Variants in ZNF385D observed in about 807,000 individuals in gnomAD.
The protein encoded by ZNF385D is zinc finger protein 659.
In ZNF385D, 15 loss-of-function variants were observed where a neutral mutation model predicts 35.8. The observed-to-expected ratio is 0.42, with a 90% CI of 0.28 to 0.64. The LOEUF (loss-of-function observed/expected upper bound fraction) is 0.64, where lower values mean the gene tolerates loss of function less well. Ranked by LOEUF, ZNF385D falls within the 30% of genes least tolerant of loss-of-function variation. The probability of loss-of-function intolerance (pLI) is 0.23; values close to 1 mark genes in which losing one functional copy is unlikely to be tolerated. For missense variants in ZNF385D, 474 were observed against 494.6 expected, an observed-to-expected ratio of 0.96 and a Z score of 0.39; for synonymous variants, 212 against 186.8, an observed-to-expected ratio of 1.13 and a Z score of -1.10.
At chr3:22,008,347 A>C (rs1442470876) in intron 3 of ZNF385D, among the ~76,000 whole-genome samples, 1 of 110,082 alleles carries the variant, frequency 9.1e-6, no homozygotes, top group Non-Finnish European at 1.9e-5. Context: ...ACTTTCATAC[A>C]GGCCATGATT....
At chr3:22,303,321 T>A (rs888244113) in intron 2 of ZNF385D, among the ~76,000 whole-genome samples, 2 of 152,124 alleles carry the variant, frequency 1.3e-5, no homozygotes, top group African/African-American at 4.8e-5. Flanking sequence ...CTGGGTCTTG[T>A]CTCCTGCCAC....
At chr3:21,683,290 T>C (rs2066975709) in intron 1 of ZNF385D, among the ~76,000 whole-genome samples, 1 of 149,736 alleles carries the variant, frequency 6.7e-6, no homozygotes, top group African/African-American at 2.5e-5. Context: ...ACTATTAATT[T>C]TGTGGATATT....
intron 3 of ZNF385D, among the ~76,000 whole-genome samples, chr3:21,551,677 C>G (rs947058736): frequency 6.6e-6 from 1 of 152,144 alleles, no homozygotes; most frequent in Non-Finnish European, 1.5e-5. Flanking sequence ...GGACAAATTA[C>G]AACCCTTCAG....
At chr3:22,289,305 C>T (rs1237258843) in intron 2 of ZNF385D, among the ~76,000 whole-genome samples, 1 of 152,106 alleles carries the variant, frequency 6.6e-6, no homozygotes, top group Non-Finnish European at 1.5e-5. Flanking sequence ...GGTAGGGAGT[C>T]AATTCATTAC....
intron 3 of ZNF385D, among the ~76,000 whole-genome samples, chr3:22,040,347 T>C (rs1698586805): frequency 6.6e-6 from 1 of 152,294 alleles, no homozygotes; most frequent in African/African-American, 2.4e-5. Flanking sequence ...GGTTTGGTTA[T>C]TACGTCATTT....
intron 3 of ZNF385D, among the ~76,000 whole-genome samples, chr3:22,111,775 T>C (rs918069629): frequency 2.6e-5 from 4 of 152,150 alleles, no homozygotes; most frequent in Non-Finnish European, 5.9e-5. Context: ...CAAATGCTTT[T>C]GCTTAGGACT....
chr3:22,007,349 A>G (rs1191661073), intron 3 of ZNF385D, among the ~76,000 whole-genome samples: 1 of 152,250 alleles, frequency 6.6e-6, no homozygotes, highest in Non-Finnish European at 1.5e-5. Flanking sequence ...TTGGAATAAC[A>G]GTCTTGCGTA....
intron 2 of ZNF385D, among the ~76,000 whole-genome samples, chr3:21,598,541 T>C (rs2064189291): frequency 6.6e-6 from 1 of 152,164 alleles, no homozygotes; most frequent in Admixed American, 6.5e-5. Flanking sequence ...AGCAATATCT[T>C]TGTTCAAAAC....
At chr3:21,757,448 T>G (rs1475722470) in intron 3 of ZNF385D, among the ~76,000 whole-genome samples, 5 of 152,082 alleles carry the variant, frequency 3.3e-5, no homozygotes, top group Admixed American at 2.6e-4. Flanking sequence ...TGGCCTAAAT[T>G]TATTATATAT....
At chr3:21,809,426 G>GGTAGCA (rs879458016) in intron 3 of ZNF385D, among the ~76,000 whole-genome samples, 17 of 151,818 alleles carry the variant, frequency 1.1e-4, no homozygotes, top group Non-Finnish European at 1.9e-4. Context: ...AACATATGTA[G>GGTAGCA]GTAGCATCAA....
At chr3:22,085,581 T>G (rs988056269) in intron 3 of ZNF385D, among the ~76,000 whole-genome samples, 1 of 151,420 alleles carries the variant, frequency 6.6e-6, no homozygotes, top group Non-Finnish European at 1.5e-5. Flanking sequence ...GAGGCAATAA[T>G]TAACAGCCTA....
At chr3:21,784,649 AATGT>A (rs1253620967) in intron 3 of ZNF385D, among the ~76,000 whole-genome samples, 1 of 150,528 alleles carries the variant, frequency 6.6e-6, no homozygotes, top group South Asian at 2.1e-4. Flanking sequence ...TTAATTAATT[AATGT>A]ATTTTTAAAT....
chr3:21,570,364 A>G (rs1355569665), intron 2 of ZNF385D, among the ~76,000 whole-genome samples: 1 of 152,184 alleles, frequency 6.6e-6, no homozygotes, highest in Non-Finnish European at 1.5e-5. Context: ...CTTCAAGTAC[A>G]GCAGCCGCAG....
chr3:21,644,235 C>T (rs1559484416), intron 2 of ZNF385D, among the ~76,000 whole-genome samples: 2 of 152,108 alleles, frequency 1.3e-5, no homozygotes, highest in Non-Finnish European at 2.9e-5. Flanking sequence ...TGATATTCAA[C>T]ATTAAAATAA....
At chr3:22,281,667 A>G (rs1701747594) in intron 2 of ZNF385D, among the ~76,000 whole-genome samples, 1 of 151,712 alleles carries the variant, frequency 6.6e-6, no homozygotes, top group African/African-American at 2.4e-5. Flanking sequence ...GGACTTTTGC[A>G]TCTATGTTCA....
intron 2 of ZNF385D, among the ~76,000 whole-genome samples, chr3:22,207,226 A>G (rs1697216178): frequency 6.6e-6 from 1 of 151,944 alleles, no homozygotes; most frequent in Non-Finnish European, 1.5e-5. Context: ...TGGCATAAAA[A>G]TAGACACACA....
chr3:21,974,474 G>A (rs892231260), intron 3 of ZNF385D, among the ~76,000 whole-genome samples: 1 of 151,818 alleles, frequency 6.6e-6, no homozygotes, highest in East Asian at 1.9e-4. Flanking sequence ...GAAACTACTA[G>A]GAAAAAATTG....
chr3:22,074,124 T>C (rs977725672), intron 3 of ZNF385D, among the ~76,000 whole-genome samples: 36 of 151,952 alleles, frequency 2.4e-4, no homozygotes, highest in African/African-American at 7.2e-4. Flanking sequence ...TCTGTGTACC[T>C]GTAAGATGAA....
At chr3:21,603,378 ATTC>A (rs760087027) in intron 2 of ZNF385D, among the ~76,000 whole-genome samples, 28,835 of 152,054 alleles carry the variant, frequency 0.19, 3,682 homozygotes, top group African/African-American at 0.37. Flanking sequence ...AGACCCAGCA[ATTC>A]TGCTTCTGGT....
Sources: gnomAD v4.1 joint callset for allele counts (sites outside exome capture counted in the v4.1 genomes callset) on GRCh38, gnomAD v4.1.1 for gene constraint, MANE v1.5 for transcripts, NCBI Gene and HGNC (gene_info 2026-07-23, HGNC 2026-07-21) for gene names.